The following CECR2 variants were observed in gnomAD, a reference collection of about 807,000 sequenced individuals.
CECR2 encodes chromatin remodeling regulator CECR2.
A neutral mutation model predicts 154.5 loss-of-function variants in CECR2; 30 were observed. The observed-to-expected ratio is 0.19, with a 90% CI of 0.15 to 0.26. CECR2 has a LOEUF of 0.26. Ranked by LOEUF, CECR2 falls within the 10% of genes least tolerant of loss-of-function variation. CECR2 has a pLI of 1.00. For missense variants in CECR2, 1,743 were observed against 1,829.3 expected (o/e 0.95, Z 0.86); for synonymous variants, 725 against 683.7 (o/e 1.06, Z -0.94).
chr22:17,368,194 G>C (rs907787521), upstream of CECR2, among the ~76,000 whole-genome samples: 1 of 151,848 alleles, frequency 6.6e-6, no homozygotes, highest in Non-Finnish European at 1.5e-5. Flanking sequence ...AGAGTGGAGG[G>C]GTAATTATCC....
chr22:17,466,502 A>G (rs2055034704), intron 1 of CECR2, among the ~76,000 whole-genome samples: 1 of 152,068 alleles, frequency 6.6e-6, no homozygotes, highest in African/African-American at 2.4e-5. Context: ...ATTAATACCT[A>G]CTTTGAAGAG....
chr22:17,500,208 C>CTCAAAAAA (rs2055710682), intron 4 of CECR2, among the ~76,000 whole-genome samples: 8 of 116,004 alleles, frequency 6.9e-5, no homozygotes, highest in African/African-American at 2.5e-4. Flanking sequence ...GAGACTCCAT[C>CTCAAAAAA]AAAAAAAAAA....
chr22:17,536,605 C>T (rs2056441062), intron 9 of CECR2, among the ~76,000 whole-genome samples: 1 of 152,172 alleles, frequency 6.6e-6, no homozygotes, highest in Non-Finnish European at 1.5e-5. Flanking sequence ...GCATGGATGC[C>T]TTCATAAACG....
At chr22:17,412,953 T>G (rs2054089514) in intron 1 of CECR2, among the ~76,000 whole-genome samples, 1 of 152,190 alleles carries the variant, frequency 6.6e-6, no homozygotes, top group Non-Finnish European at 1.5e-5. Flanking sequence ...GACTTCTGAT[T>G]AGACGTTGTT....
intron 2 of CECR2, among the ~76,000 whole-genome samples, chr22:17,492,189 A>G (rs1349939251): frequency 6.6e-6 from 1 of 152,180 alleles, no homozygotes; most frequent in Non-Finnish European, 1.5e-5. Flanking sequence ...AAATGGGAGA[A>G]TGCAATTTGA....
At chr22:17,391,478 A>G (rs2146505824) in intron 1 of CECR2, among the ~76,000 whole-genome samples, 1 of 152,336 alleles carries the variant, frequency 6.6e-6, no homozygotes, top group East Asian at 1.9e-4. Context: ...TGGACCTGTC[A>G]CTTAGCCCTG....
chr22:17,525,584 C>T (rs539891329), intron 9 of CECR2, among the ~76,000 whole-genome samples: 4 of 152,226 alleles, frequency 2.6e-5, no homozygotes, highest in Non-Finnish European at 5.9e-5. Context: ...CCAGCCTGGG[C>T]GACAGAGCAA....
chr22:17,511,302 T>C (rs563660836), intron 7 of CECR2, among the ~76,000 whole-genome samples: 1 of 152,310 alleles, frequency 6.6e-6, no homozygotes, highest in South Asian at 2.1e-4. Context: ...GTGCATTTCC[T>C]TGGCACTCAC....
intron 2 of CECR2, among the ~76,000 whole-genome samples, chr22:17,481,887 C>T (rs868630617): frequency 7.9e-5 from 12 of 151,910 alleles, no homozygotes; most frequent in African/African-American, 2.7e-4. Context: ...GAGGCCGAGG[C>T]GGGCGGATCA....
chr22:17,446,711 G>T (rs1766414279), intron 1 of CECR2, among the ~76,000 whole-genome samples: 2 of 150,878 alleles, frequency 1.3e-5, no homozygotes, highest in Non-Finnish European at 2.9e-5. Context: ...GCGAGACTTT[G>T]TCTCAAAAAC....
chr22:17,438,795 G>A (rs2054543633), intron 1 of CECR2, among the ~76,000 whole-genome samples: 1 of 152,092 alleles, frequency 6.6e-6, no homozygotes, highest in African/African-American at 2.4e-5. Context: ...AAACTTCAGT[G>A]TGTTATTTCT....
At chr22:17,524,891 TGC>T in intron 9 of CECR2, 1 of 404,882 alleles carries the variant, frequency 2.5e-6, no homozygotes, top group South Asian at 1.7e-5. Flanking sequence ...GGTCTCAAAC[TGC>T]TGACCTCAAA....
chr22:17,543,894 C>T (rs138705560), intron 16 of CECR2, among the ~76,000 whole-genome samples: 105 of 152,216 alleles, frequency 6.9e-4, no homozygotes, highest in African/African-American at 2.5e-3. Flanking sequence ...AACAAGCCTT[C>T]GAGATAGCTA....
Position 17,549,280 on chromosome 22 carries a change from T to G in CECR2, c.3993T>G (p.Phe1331Leu). 1 of 1,614,000 alleles carries G rather than the reference T, an allele frequency of 6.2e-7. No individual in the cohort carries two copies. The highest frequency in any genetic ancestry group is 8.5e-7 in the Non-Finnish European group (1 of 1,179,896). Residue 1331 changes from phenylalanine to leucine, a missense_variant, in exon 17 of 19, where the codon TTT becomes TTG. Around this residue, in one of 4 missense-constraint regions of CECR2, gnomAD observed 1,250 missense variants for 1,192.1 expected, o/e 1.05. Transcript: ENST00000262608. ...TPPPLSSGMG[F>L]GSSAFPPHSV... ...CGCCTCTGAGTTCAGGAATGGGATTTGGTTCATCTGCATTTCCACCCCACA... is the reference window on the plus strand; with the variant it reads ...CGCCTCTGAGTTCAGGAATGGGATTGGGTTCATCTGCATTTCCACCCCACA...
intron 1 of CECR2, among the ~76,000 whole-genome samples, chr22:17,436,640 GTT>G (rs2054510956): frequency 6.6e-6 from 1 of 152,244 alleles, no homozygotes; most frequent in African/African-American, 2.4e-5. Context: ...TGCTGACTGA[GTT>G]TGTCACCAGT....
At chr22:17,373,365 C>T (rs112211612) in intron 1 of CECR2, among the ~76,000 whole-genome samples, 2 of 152,212 alleles carry the variant, frequency 1.3e-5, no homozygotes, top group African/African-American at 4.8e-5. Context: ...AATGCCTTAT[C>T]TCAGTTCAAA....
In CECR2 at chr22:17,462,012, C is replaced by T. The variant is rs1339533559; in HGVS notation, c.127-15576C>T. ...TTCACCATGTTGGTCAGGCTGATCT[C>T]GAACTCCTGACCTCGTGGTCCACCC... On this transcript the variant is annotated intron_variant, in intron 1 of 18. Coordinates refer to ENST00000262608, the MANE Select transcript of CECR2 (RefSeq NM_001290047.2). 5.3e-5 allele frequency among the ~76,000 whole-genome samples: 8 copies of T among 151,796 alleles called. No individual in the cohort carries two copies. In the East Asian group the frequency reaches 9.9e-4, roughly 19 times the overall value.
intron 1 of CECR2, among the ~76,000 whole-genome samples, chr22:17,375,748 A>T (rs1261481618): frequency 6.6e-6 from 1 of 151,998 alleles, no homozygotes; most frequent in Admixed American, 6.6e-5. Flanking sequence ...TGAGGTCAGG[A>T]GTTCAGGACC....
At chr22:17,490,337 ACT>A (rs2146844305) in intron 2 of CECR2, among the ~76,000 whole-genome samples, 1 of 151,716 alleles carries the variant, frequency 6.6e-6, no homozygotes, top group Admixed American at 6.6e-5. Flanking sequence ...CTTATGTGAC[ACT>A]CTGTCTCCAC....
Sources: gnomAD v4.1 joint callset for allele counts (sites outside exome capture counted in the v4.1 genomes callset) on GRCh38, gnomAD v4.1.1 for gene constraint, gnomAD v4.1.1 regional missense constraint, MANE v1.5 for transcripts, NCBI Gene and HGNC (gene_info 2026-07-23, HGNC 2026-07-21) for gene names.